ZNF185: variants seen among roughly 807,000 people sequenced by gnomAD.
The protein encoded by ZNF185 is zinc finger protein 185 with LIM domain.
In ZNF185, 56 loss-of-function variants were observed where a neutral mutation model predicts 58.6. The ratio of observed to expected loss-of-function variants is 0.95; its 90% CI spans 0.77 to 1.19. The LOEUF (loss-of-function observed/expected upper bound fraction) is 1.19, where lower values mean the gene tolerates loss of function less well. Ranked by LOEUF, ZNF185 falls within the 50% of genes most tolerant of loss-of-function variation. The pLI is 0.00. For synonymous variants in ZNF185, 230 were observed against 215.9 expected, an observed-to-expected ratio of 1.07 and a Z score of -0.57; for missense variants, 627 against 573.5, an observed-to-expected ratio of 1.09 and a Z score of -0.95.
the ZNF185 span, among the ~76,000 whole-genome samples, chrX:152,901,079 G>A: frequency 8.9e-6 from 1 of 111,996 alleles, no homozygotes; most frequent in African/African-American, 3.2e-5. Context: ...GATGCTGACT[G>A]GGATGTGGGC....
At chrX:152,914,739 C>A (rs781893395) in exon 2 of ZNF185, 7 of 1,195,433 alleles carry the variant, frequency 5.9e-6, no homozygotes, top group Non-Finnish European at 7.9e-6. Context: ...CGAGGAGGAG[C>A]GCAATAACGT....
Position 152,933,981 on chromosome X carries a change from C to T in ZNF185, c.1121+1010C>T, listed in dbSNP as rs112477720. ...TCCTGGCCTCTGAAACCACTGTCTC[C>T]GAGCAGGTCCAAGGAGAGGCCACCA... On this transcript the variant is annotated intron_variant, in intron 14 of 22. Transcript: ENST00000449285. Among the ~76,000 whole-genome samples the T allele has an allele frequency of 9.2e-3, 1,033 of 112,655 alleles. 11 individuals carry two copies. Among genetic ancestry groups the T allele is most frequent in the African/African-American group, 0.031 (969 of 31,035 alleles).
chrX:152,958,218 G>A (rs782124946), intron 16 of ZNF185, among the ~76,000 whole-genome samples: 1 of 111,754 alleles, frequency 8.9e-6, no homozygotes, highest in South Asian at 3.7e-4. Flanking sequence ...ATGGAATGTT[G>A]ATGGTAAGAA....
the ZNF185 span, among the ~76,000 whole-genome samples, chrX:152,907,046 C>T: frequency 2.7e-5 from 3 of 111,252 alleles, no homozygotes; most frequent in Admixed American, 2.9e-4. Context: ...TGGGAGGTGC[C>T]GCCCTCGGGG....
chrX:152,942,429 A>G (rs942282902), intron 15 of ZNF185, among the ~76,000 whole-genome samples: 11 of 111,604 alleles, frequency 9.9e-5, no homozygotes, highest in African/African-American at 3.6e-4. Flanking sequence ...AATAGTGGTA[A>G]TCATACCTCC....
chrX:152,962,311 C>T (rs1235027916), intron 17 of ZNF185, among the ~76,000 whole-genome samples: 4 of 110,128 alleles, frequency 3.6e-5, no homozygotes, highest in Non-Finnish European at 5.7e-5. Context: ...TTTTAAGAGG[C>T]GGTGTTTCAC....
chrX:152,915,707 G>T (rs1938310806), intron 3 of ZNF185, among the ~76,000 whole-genome samples: 1 of 112,416 alleles, frequency 8.9e-6, no homozygotes, highest in African/African-American at 3.2e-5. Context: ...GACATATTTT[G>T]TCAGCTGACC....
At chrX:152,965,378 C>T (rs1004617179) in intron 18 of ZNF185, 69 bp from the exon 21 acceptor site, 7 of 1,044,035 alleles carry the variant, frequency 6.7e-6, no homozygotes, top group Non-Finnish European at 9.2e-6. Context: ...TGAACCACTC[C>T]TGTGGGCCAG....
intron 11 of ZNF185, among the ~76,000 whole-genome samples, chrX:152,927,640 G>A (rs1157718077): frequency 8.9e-6 from 1 of 111,732 alleles, no homozygotes; most frequent in African/African-American, 3.3e-5. Context: ...CCTTCAGCTG[G>A]CCTGGGTCGG....
intron 16 of ZNF185, among the ~76,000 whole-genome samples, chrX:152,954,668 T>C (rs1290116631): frequency 8.9e-6 from 1 of 112,090 alleles, no homozygotes; most frequent in Non-Finnish European, 1.9e-5. Flanking sequence ...ATTCTGTATC[T>C]CCCCCTGTGT....
intron 14 of ZNF185, among the ~76,000 whole-genome samples, chrX:152,933,701 G>T (rs1420413182): frequency 8.9e-6 from 1 of 112,544 alleles, no homozygotes; most frequent in Non-Finnish European, 1.9e-5. Context: ...AGAGCAGATG[G>T]CTAGGGAGGA....
At chrX:152,963,241 C>T (rs187714091) in intron 17 of ZNF185, among the ~76,000 whole-genome samples, 2 of 112,916 alleles carry the variant, frequency 1.8e-5, no homozygotes, top group Non-Finnish European at 3.8e-5. Context: ...TTTGGGCTGC[C>T]GAGGAGGTTG....
chrX:152,957,802 A>T (rs2049005208), intron 16 of ZNF185, among the ~76,000 whole-genome samples: 1 of 112,947 alleles, frequency 8.9e-6, no homozygotes, highest in Non-Finnish European at 1.9e-5. Context: ...TACCAGATTG[A>T]CTACAGCTTA....
At chrX:152,908,296 C>A in the ZNF185 span, among the ~76,000 whole-genome samples, 1 of 112,837 alleles carries the variant, frequency 8.9e-6, no homozygotes, top group African/African-American at 3.2e-5. Flanking sequence ...GGGCAGGTAG[C>A]AAGCCCCTGG....
chrX:152,919,139 G>T, intron 7 of ZNF185, 58 bp downstream of exon 8: 1 of 929,756 alleles, frequency 1.1e-6, no homozygotes, highest in Non-Finnish European at 1.5e-6. Flanking sequence ...CTGAGTCTTC[G>T]AAGACTGCTG....
chrX:152,929,050 AG>A (rs1941430613), intron 12 of ZNF185, among the ~76,000 whole-genome samples: 1 of 111,331 alleles, frequency 9.0e-6, no homozygotes, highest in African/African-American at 3.3e-5. Flanking sequence ...AGATGGGACC[AG>A]TCAGCCGTGC....
At chrX:152,938,857 G>A (rs782201514) in intron 15 of ZNF185, among the ~76,000 whole-genome samples, 80 of 104,641 alleles carry the variant, frequency 7.6e-4, no homozygotes, top group Non-Finnish European at 1.3e-3. Context: ...ATGGCAGTGA[G>A]GAGGGTACTA....
At chrX:152,924,838 C>A (rs781878012) in intron 11 of ZNF185, among the ~76,000 whole-genome samples, 1 of 112,196 alleles carries the variant, frequency 8.9e-6, no homozygotes, top group East Asian at 2.8e-4. Flanking sequence ...GTGCACGCGA[C>A]CACGCCCGGC....
Position 152,914,541 on chromosome X carries a change from T to C in ZNF185, c.34+18T>C, listed in dbSNP as rs1556863938. 1.7e-6 allele frequency: 2 copies of C among 1,170,169 alleles called. No homozygotes were observed. The highest frequency in any genetic ancestry group is 2.3e-6 in the Non-Finnish European group (2 of 872,674). On this transcript the variant is annotated intron_variant, in intron 1 of 22. Coordinates refer to ENST00000449285, the Ensembl canonical transcript of ZNF185. The stretch of plus-strand genomic sequence containing the variant: ...CACCAAAGGTGAGGCCTGGGCTCCC[T>C]GGTTTCCCAGGCTCTGTTTGGGGCT...
Sources: allele counts gnomAD v4.1 joint callset (sites outside exome capture counted in the v4.1 genomes callset), GRCh38; gene constraint gnomAD v4.1.1; transcripts MANE v1.5; gene names NCBI Gene and HGNC (gene_info 2026-07-23, HGNC 2026-07-21).